Variants in EEF2KMT observed in about 807,000 individuals in gnomAD.
EEF2KMT encodes the protein eukaryotic elongation factor 2 lysine methyltransferase.
In EEF2KMT, 30 loss-of-function variants were observed where a neutral mutation model predicts 35.1. The ratio of observed to expected loss-of-function variants is 0.85; its 90% confidence interval spans 0.64 to 1.16. The LOEUF (loss-of-function observed/expected upper bound fraction) is 1.16, where lower values mean the gene tolerates loss of function less well. Among genes scored for constraint, EEF2KMT ranks in the 50% most tolerant of loss-of-function variants. The probability of loss-of-function intolerance (pLI) is 0.00; values close to 1 mark genes in which losing one functional copy is unlikely to be tolerated. For synonymous variants in EEF2KMT, 190 were observed against 187.7 expected (o/e 1.01, Z -0.10); for missense variants, 499 against 438.2 (o/e 1.14, Z -1.24).
chr16:5,085,494 G>C lies in EEF2KMT; in HGVS notation c.*138C>G. The C allele has an allele frequency of 1.3e-6, 1 of 752,278 alleles. No individual in the cohort carries two copies. The highest frequency in any genetic ancestry group is 2.6e-5 in the East Asian group (1 of 38,964). 46.6% of individuals were successfully genotyped at this position (752,278 alleles called of 1,614,324 possible). A position where few individuals can be genotyped will look rare whatever the true frequency, so the allele number is the denominator to read the frequency against. ...ATAGCCGATGTCTTATTAGAGGGCA[G>C]TTTGTGGTTCCTGATTTGGAAATTA... On this transcript the variant is annotated 3_prime_UTR_variant, in exon 8 of 8. Coordinates refer to ENST00000427587, the MANE Select transcript of EEF2KMT (RefSeq NM_201400.4).
At position 5,089,234 on chromosome 16, in the gene EEF2KMT, G is replaced by A; in HGVS notation, c.765C>T (p.Ala255=). 6.2e-7 allele frequency: 1 copy of A among 1,606,268 alleles called. No individual in the cohort carries two copies. Among genetic ancestry groups the A allele is most frequent in the Non-Finnish European group, 8.5e-7 (1 of 1,179,824 alleles). Reference sequence around the variant, plus strand: ...GCAGGACCCCGACCAGCGACATGATGGCTTCTGGGCAATACAGCACATCTA... The same window carrying A: ...GCAGGACCCCGACCAGCGACATGATAGCTTCTGGGCAATACAGCACATCTA... The part of the protein sequence containing the change: ...IAADVLYCPE[A]IMSLVGVLRR... The change falls in exon 7 of 8, where the codon GCC becomes GCT. Residue 255 remains alanine, a synonymous_variant. Transcript: ENST00000427587.
Position 5,097,598 on chromosome 16 carries a change from G to T in EEF2KMT, c.96+46C>A, listed in dbSNP as rs1276722935. 14 of 1,529,616 alleles carry T rather than the reference G, an allele frequency of 9.2e-6. No individual in the cohort carries two copies. In the South Asian group the frequency reaches 1.2e-4, roughly 13 times the overall value. 94.8% of individuals were successfully genotyped at this position (1,529,616 alleles called of 1,614,324 possible). ...CGGAGACCCGTCCCGTCTGCCCCTG[G>T]ACTCCCGCGAGCCCCGCGGGCCTCT... On this transcript the variant is annotated intron_variant, in intron 1 of 7. Transcript: ENST00000427587.
At chr16:5,088,967 G>C (rs1031851798) in intron 7 of EEF2KMT, 140 bp downstream of exon 7, 16 of 1,565,212 alleles carry the variant, frequency 1.0e-5, no homozygotes, top group Non-Finnish European at 1.4e-5. Context: ...CTGCTCACTG[G>C]CCTCTGCCTG....
intron 7 of EEF2KMT, 108 bp downstream of exon 7, chr16:5,088,999 G>A: frequency 1.3e-6 from 2 of 1,596,674 alleles, no homozygotes; most frequent in Admixed American, 1.7e-5. Context: ...TGGTGTGGGA[G>A]TGTGGGGCAA....
In EEF2KMT at chr16:5,090,178, T is replaced by C. The variant is rs748306163; in HGVS notation, c.648A>G (p.Leu216=). The change falls in exon 6 of 8, where the codon TTA becomes TTG. Residue 216 remains leucine (L), a synonymous_variant. Transcript: ENST00000427587. This position sits in a 1 kb window ranked among gnomAD's most constrained non-coding sequence, Gnocchi z 4.1. ...LSLEADITAK[L]DSPRVTVAQL... is the part of the protein sequence containing the mutation. ...GGGCCACTGTCACCCTGGGGCTGTC[T>C]AACTTGGCAGTGATGTCTGCCTCTA... The C allele has an allele frequency of 6.2e-7, 1 of 1,611,750 alleles. No homozygotes were observed. The highest frequency in any genetic ancestry group is 1.1e-5 in the South Asian group (1 of 90,994).
intron 7 of EEF2KMT, among the ~76,000 whole-genome samples, chr16:5,086,138 C>G (rs1240067567): frequency 2.0e-5 from 3 of 152,158 alleles, no homozygotes; most frequent in Non-Finnish European, 4.4e-5. Context: ...GAGTTCGAGA[C>G]CAGCCTGGCC....
chr16:5,091,569 G>A (rs531376867), intron 4 of EEF2KMT, among the ~76,000 whole-genome samples: 1 of 152,234 alleles, frequency 6.6e-6, no homozygotes, highest in Non-Finnish European at 1.5e-5. Context: ...CAGGTAGTGT[G>A]TGTCACCTAT....
At chr16:5,093,092 C>T (rs1212196859) in intron 3 of EEF2KMT, among the ~76,000 whole-genome samples, 2 of 152,250 alleles carry the variant, frequency 1.3e-5, no homozygotes, top group Admixed American at 1.3e-4. Flanking sequence ...CTAAATCTTC[C>T]AACAGGGGCC....
intron 3 of EEF2KMT, 118 bp from the exon 4 acceptor site, chr16:5,092,013 C>A: frequency 6.5e-7 from 1 of 1,527,038 alleles, no homozygotes; most frequent in Non-Finnish European, 8.8e-7. Flanking sequence ...TACCGGCCAG[C>A]TGCCATATAA....
Position 5,084,912 on chromosome 16 carries a change from C to A in EEF2KMT, c.*720G>T. The A allele has an allele frequency of 6.3e-7, 1 of 1,596,342 alleles. No individual in the cohort carries two copies. Among genetic ancestry groups the A allele is most frequent in the South Asian group, 1.1e-5 (1 of 90,982 alleles). ...GGGCCAGAGGCTAAAACCCCAGGAC[C>A]CCTGCTGTCCTTCCCGCAGCTTCTT... On this transcript the variant is annotated 3_prime_UTR_variant, in exon 8 of 8. Transcript: ENST00000427587.
At position 5,085,463 on chromosome 16, in the gene EEF2KMT, G is replaced by T. The variant is rs543353647; in HGVS notation, c.*169C>A. On this transcript the variant is annotated 3_prime_UTR_variant, in exon 8 of 8. Transcript: ENST00000427587. The stretch of plus-strand genomic sequence containing the variant: ...GCTGGCAGAAAGGGGGCACCCACAC[G>T]CTTAGATAGCCGATGTCTTATTAGA... 1.3e-4 allele frequency: 86 copies of T among 650,392 alleles called. 2 individuals are homozygous for T. In the African/African-American group the frequency reaches 1.4e-3, roughly 11 times the overall value. The allele number at this position is 650,392 out of a possible 1,614,324, so 40.3% of individuals were successfully genotyped here. A position where few individuals can be genotyped will look rare whatever the true frequency, so the allele number is the denominator to read the frequency against.
intron 1 of EEF2KMT, among the ~76,000 whole-genome samples, chr16:5,096,711 A>T (rs1957475211): frequency 6.6e-6 from 1 of 152,096 alleles, no homozygotes; most frequent in South Asian, 2.1e-4. Flanking sequence ...TAATCAAACA[A>T]TCCCTCTGGT....
At position 5,089,166 on chromosome 16, in the gene EEF2KMT, A is replaced by C. The variant is rs1957284789; in HGVS notation, c.833T>G (p.Val278Gly). ...GTTGCGGACGGTAAAGGCCACGTAGACCTCAGGAGCCCGCTGGTGCTCCCG... is the reference window on the plus strand; with the variant it reads ...GTTGCGGACGGTAAAGGCCACGTAGCCCTCAGGAGCCCGCTGGTGCTCCCG... ...ACREHQRAPE[V>G]YVAFTVRNPE... is the part of the protein sequence containing the mutation. Residue 278 changes from valine to glycine, a missense_variant, in exon 7 of 8, where the codon GTC becomes GGC. Val to Gly is a moderately radical substitution (Grantham distance 109, BLOSUM62 -3). Coordinates refer to ENST00000427587, the MANE Select transcript of EEF2KMT (RefSeq NM_201400.4). The C allele has an allele frequency of 6.2e-7, 1 of 1,612,098 alleles. No homozygotes were observed. Among genetic ancestry groups the C allele is most frequent in the Non-Finnish European group, 8.5e-7 (1 of 1,179,836 alleles).
At position 5,085,111 on chromosome 16, in the gene EEF2KMT, A is replaced by G. The variant is rs1957109600; in HGVS notation, c.*521T>C. 3 of 731,114 alleles carry G rather than the reference A, an allele frequency of 4.1e-6. No individual in the cohort carries two copies. The highest frequency in any genetic ancestry group is 6.7e-6 in the Non-Finnish European group (3 of 450,320). 45.3% of individuals were successfully genotyped at this position (731,114 alleles called of 1,614,324 possible). On this transcript the variant is annotated 3_prime_UTR_variant, in exon 8 of 8. Transcript: ENST00000427587. ...CGCTTCCTCTCTTCTTCTGTTCTTC[A>G]CGCCCCATGCCCCTGCTAGCGTATT...
chr16:5,090,562 A>G lies in EEF2KMT; in HGVS notation c.346T>C (p.Ser116Pro). The change falls in exon 5 of 8, where the codon TCG becomes CCG. Residue 116 changes from serine (S) to proline (P), a missense_variant. Physicochemically the swap from Ser to Pro is moderately conservative, Grantham distance 74 (BLOSUM62 -1). Transcript: ENST00000427587. The surrounding 1 kb of genome is among the most constrained non-coding windows in gnomAD (Gnocchi z 4.1). The part of the protein sequence containing the change: ...TQGHRSYLLP[S>P]GGSVTLSEST... ...TCGGAGAGTGTGACCGAGCCTCCCG[A>G]GGGCTGCACCAAGAGAAGGCGAGAG... 1 of 1,611,916 alleles carries G rather than the reference A, an allele frequency of 6.2e-7. No individual in the cohort carries two copies. The highest frequency in any genetic ancestry group is 8.5e-7 in the Non-Finnish European group (1 of 1,179,766).
chr16:5,087,029 T>C (rs904304111), intron 7 of EEF2KMT: 2 of 152,192 alleles, frequency 1.3e-5, no homozygotes, highest in African/African-American at 4.8e-5. Context: ...TGCGTATTTA[T>C]AAGAATGAAG....
Position 5,090,650 on chromosome 16 carries a change from A to G in EEF2KMT, c.343-85T>C, listed in dbSNP as rs566664738. ...ACAAGTAGCCCCACCACATGGCTGA[A>G]TAAACCATGACAGGACCAATCGCCA... On this transcript the variant is annotated intron_variant, in intron 4 of 7. Coordinates refer to ENST00000427587, the MANE Select transcript of EEF2KMT (RefSeq NM_201400.4). The surrounding 1 kb of genome is among the most constrained non-coding windows in gnomAD (Gnocchi z 4.1). 9 of 1,561,042 alleles carry G rather than the reference A, an allele frequency of 5.8e-6. No homozygotes were observed. The Admixed American group carries it at 1.4e-4, about 24-fold the overall frequency.
At chr16:5,088,308 TTTG>T (rs1369413882) in intron 7 of EEF2KMT, among the ~76,000 whole-genome samples, 2 of 152,112 alleles carry the variant, frequency 1.3e-5, no homozygotes, top group African/African-American at 4.8e-5. Context: ...TGCTGGCTTG[TTTG>T]TTGGCTCTGT....
Position 5,089,124 on chromosome 16 carries a change from A to G in EEF2KMT, c.875T>C (p.Leu292Pro). 6.2e-7 allele frequency: 1 copy of G among 1,612,854 alleles called. No individual in the cohort carries two copies. Among genetic ancestry groups the G allele is most frequent in the Middle Eastern group, 1.8e-4 (1 of 5,482 alleles). ...AGGCTCACCTAGCTCGGTGGTGAAC[A>G]GCTGGCACGTCTCTGGGTTGCGGAC... ...FTVRNPETCQ[L>P]FTTELGRAGI... Residue 292 changes from leucine (L) to proline (P), a missense_variant, in exon 7 of 8, where the codon CTG (leucine) becomes CCG (proline). Physicochemically the swap from Leu to Pro is moderately conservative, Grantham distance 98. Coordinates refer to ENST00000427587, the MANE Select transcript of EEF2KMT (RefSeq NM_201400.4).
Sources: allele counts gnomAD v4.1 joint callset (sites outside exome capture counted in the v4.1 genomes callset), GRCh38; gene constraint gnomAD v4.1.1; non-coding constraint Gnocchi (gnomAD v3.1); transcripts MANE v1.5; gene names NCBI Gene and HGNC (gene_info 2026-07-23, HGNC 2026-07-21).